The following ADCY3 variants were observed in gnomAD, a reference collection of about 807,000 sequenced individuals.
ADCY3 encodes the protein adenylate cyclase 3, also known as adenylate cyclase type 3.
Under a neutral mutation model 119.4 loss-of-function variants are expected in ADCY3, and 70 were observed. The ratio of observed to expected loss-of-function variants is 0.59; its 90% CI spans 0.48 to 0.72. ADCY3 has a LOEUF of 0.72. ADCY3 is among the 30% of genes least tolerant of loss of function. The pLI is 0.00. For synonymous variants in ADCY3, 672 were observed against 621.4 expected (o/e 1.08, Z -1.21); for missense variants, 1,238 against 1,541.6 (o/e 0.80, Z 3.30).
intron 3 of ADCY3, among the ~76,000 whole-genome samples, chr2:24,854,708 G>A (rs963092726): frequency 3.3e-5 from 5 of 152,102 alleles, no homozygotes; most frequent in African/African-American, 9.7e-5. Flanking sequence ...CCAATGTTGC[G>A]GGGGTTAGAA....
At chr2:24,820,320 C>T (rs1182940471) in intron 21 of ADCY3, 7 of 1,312,360 alleles carry the variant, frequency 5.3e-6, no homozygotes, top group Non-Finnish European at 5.8e-6. Context: ...GGCTGGGGGC[C>T]TCCTCTCATC....
chr2:24,881,566 C>T (rs1281493468), intron 2 of ADCY3, among the ~76,000 whole-genome samples: 1 of 152,184 alleles, frequency 6.6e-6, no homozygotes, highest in Non-Finnish European at 1.5e-5. Context: ...GTGTATCTCC[C>T]AAGAGGATGC....
Position 24,919,954 on chromosome 2 carries a change from C to A in ADCY3, c.-469G>T. The A allele has an allele frequency of 6.7e-6, 1 of 149,582 alleles. No individual in the cohort carries two copies. Among genetic ancestry groups the A allele is most frequent in the South Asian group, 2.0e-4 (1 of 4,938 alleles). The allele number at this position is 149,582 out of a possible 1,614,324, so 9.3% of individuals were successfully genotyped here. A position where few individuals can be genotyped will look rare whatever the true frequency, so the allele number is the denominator to read the frequency against. On this transcript the variant is annotated 5_prime_UTR_variant, in exon 1 of 22. Coordinates refer to ENST00000679454, the MANE Select transcript of ADCY3 (RefSeq NM_004036.5). This position sits in a 1 kb window ranked among gnomAD's most constrained non-coding sequence, Gnocchi z 5.5. ...GAGATCCGTGGGCGCCGGCCCAGCG[C>A]GCCCGCCCTGGGGCTGAGGCTCAGG...
intron 3 of ADCY3, among the ~76,000 whole-genome samples, chr2:24,870,723 C>CT (rs746684851): frequency 2.5e-4 from 38 of 152,352 alleles, no homozygotes; most frequent in Admixed American, 9.8e-4. Context: ...TGCACTGACC[C>CT]TGCCCAGAGG....
intron 3 of ADCY3, among the ~76,000 whole-genome samples, chr2:24,855,276 G>A (rs529955333): frequency 6.6e-6 from 1 of 152,240 alleles, no homozygotes; most frequent in South Asian, 2.1e-4. Flanking sequence ...TGCTTTGGAG[G>A]CCCCAAGAGA....
intron 20 of ADCY3, 37 bp from the exon 21 acceptor site, chr2:24,820,885 C>T: frequency 2.5e-6 from 4 of 1,608,534 alleles, no homozygotes; most frequent in Non-Finnish European, 3.4e-6. Flanking sequence ...CAGCCACAGG[C>T]CACACCTTGT....
At chr2:24,822,391 G>C in intron 19 of ADCY3, 120 bp downstream of exon 19, 2 of 1,345,286 alleles carry the variant, frequency 1.5e-6, no homozygotes, top group Non-Finnish European at 2.1e-6. Context: ...CGTGGTGCTG[G>C]TGGTGTGTGT....
At chr2:24,855,296 T>C (rs77777078) in intron 3 of ADCY3, among the ~76,000 whole-genome samples, 8,530 of 151,680 alleles carry the variant, frequency 0.056, 343 homozygotes, top group Non-Finnish European at 0.087. Context: ...AGAAAGCTAA[T>C]GAGGAAAGGC....
chr2:24,894,212 G>A (rs1047637489), intron 2 of ADCY3, among the ~76,000 whole-genome samples: 1 of 152,176 alleles, frequency 6.6e-6, no homozygotes, highest in Non-Finnish European at 1.5e-5. Flanking sequence ...AGCCAAGTGT[G>A]GTGGCTCACA....
chr2:24,906,914 T>C (rs1351964794), intron 2 of ADCY3, among the ~76,000 whole-genome samples: 3 of 152,126 alleles, frequency 2.0e-5, no homozygotes, highest in Non-Finnish European at 4.4e-5. Flanking sequence ...GTGGATCACT[T>C]GAGATCAGGA....
intron 2 of ADCY3, among the ~76,000 whole-genome samples, chr2:24,882,911 G>C (rs1676567622): frequency 6.6e-6 from 1 of 151,998 alleles, no homozygotes; most frequent in African/African-American, 2.4e-5. Context: ...ACAAAAATTA[G>C]CTGGGTATAT....
Position 24,826,118 on chromosome 2 carries a change from A to G in ADCY3, c.2504T>C (p.Leu835Pro), listed in dbSNP as rs757965475. ...PGLNGTDRLP[L>P]VPSKYSMTVM... ...CGTCATAGAGTACTTGGAAGGCACCAGGGGCAGCCTGCTGGGCAGAGCGTG... is the reference window on the plus strand; with the variant it reads ...CGTCATAGAGTACTTGGAAGGCACCGGGGGCAGCCTGCTGGGCAGAGCGTG... The change falls in exon 16 of 22, where the codon CTG (leucine) becomes CCG (proline). Residue 835 changes from leucine to proline, a missense_variant. By Grantham distance (98) the Leu-to-Pro change is moderately conservative. Coordinates refer to ENST00000679454, the MANE Select transcript of ADCY3 (RefSeq NM_004036.5). The G allele has an allele frequency of 1.2e-6, 2 of 1,613,824 alleles. No individual in the cohort carries two copies. Among genetic ancestry groups the G allele is most frequent in the Non-Finnish European group, 1.7e-6 (2 of 1,179,936 alleles).
At chr2:24,829,577 C>CTTGT (rs1669158981) in intron 13 of ADCY3, among the ~76,000 whole-genome samples, 1 of 151,196 alleles carries the variant, frequency 6.6e-6, no homozygotes, top group African/African-American at 2.4e-5. Flanking sequence ...CCTGCCACCA[C>CTTGT]GCCCGGCTAA....
At chr2:24,836,074 G>A (rs917120793) in intron 9 of ADCY3, among the ~76,000 whole-genome samples, 1 of 152,178 alleles carries the variant, frequency 6.6e-6, no homozygotes, top group African/African-American at 2.4e-5. Flanking sequence ...GCAGCAGCGG[G>A]AACCTGTTCC....
chr2:24,846,218 C>T (rs185476353), intron 3 of ADCY3, among the ~76,000 whole-genome samples: 1 of 152,274 alleles, frequency 6.6e-6, no homozygotes, highest in East Asian at 1.9e-4. Flanking sequence ...GTCCTCCAGA[C>T]CCCAGAATGG....
In ADCY3 at chr2:24,841,584, A is replaced by G; in HGVS notation, c.1040T>C (p.Leu347Pro). The change falls in exon 5 of 22, where the codon CTC becomes CCC. Residue 347 changes from leucine (L) to proline (P), a missense_variant. Leu to Pro is a moderately conservative substitution (Grantham distance 98). This residue lies in a region of ADCY3 where 283 missense variants were observed against 437.2 expected (regional missense o/e 0.65). Transcript: ENST00000679454. This position sits in a 1 kb window ranked among gnomAD's most constrained non-coding sequence, Gnocchi z 5.8. ...AQELVKLLNE[L>P]FARFDKLAAK... ...TGCCAGCTTGTCAAAGCGGGCAAAG[A>G]GCTCGTTGAGCAGCTTCACAAGCTC... 6.2e-7 allele frequency: 1 copy of G among 1,613,408 alleles called. No individual in the cohort carries two copies.
chr2:24,891,697 T>G (rs1466885371), intron 2 of ADCY3, among the ~76,000 whole-genome samples: 1 of 152,212 alleles, frequency 6.6e-6, no homozygotes, highest in Non-Finnish European at 1.5e-5. Flanking sequence ...GTGTGAGTTT[T>G]GCTGTTGCAC....
chr2:24,867,850 T>C (rs1174709913), intron 3 of ADCY3, among the ~76,000 whole-genome samples: 1 of 152,174 alleles, frequency 6.6e-6, no homozygotes, highest in Non-Finnish European at 1.5e-5. Flanking sequence ...GGGTTTAAAA[T>C]ATGTTGAACT....
At chr2:24,820,870 C>G (rs369108612) in intron 20 of ADCY3, 22 bp from the exon 21 acceptor site, 1 of 1,612,396 alleles carries the variant, frequency 6.2e-7, no homozygotes, top group Non-Finnish European at 8.5e-7. Flanking sequence ...GCATAAAGTT[C>G]AGCACAGCCA....
Sources: gnomAD v4.1 joint callset for allele counts (sites outside exome capture counted in the v4.1 genomes callset) on GRCh38, gnomAD v4.1.1 for gene constraint, gnomAD v4.1.1 regional missense constraint, Gnocchi (gnomAD v3.1) non-coding constraint, MANE v1.5 for transcripts, NCBI Gene and HGNC (gene_info 2026-07-23, HGNC 2026-07-21) for gene names.